The following KLKB1 variants were observed in gnomAD, a reference collection of about 807,000 sequenced individuals.
KLKB1 encodes the protein kallikrein B1.
In KLKB1, 58 loss-of-function variants were observed where a neutral mutation model predicts 73.6. The ratio of observed to expected loss-of-function variants is 0.79; its 90% CI spans 0.64 to 0.98. KLKB1 has a LOEUF of 0.98. Ranked by LOEUF, KLKB1 falls within the 50% of genes least tolerant of loss-of-function variation. KLKB1 has a pLI of 0.00. For missense variants in KLKB1, 737 were observed against 763.8 expected, an observed-to-expected ratio of 0.96 and a Z score of 0.41; for synonymous variants, 280 against 258.1, an observed-to-expected ratio of 1.08 and a Z score of -0.81.
At chr4:186,223,948 C>T (rs563922745), upstream of KLKB1, among the ~76,000 whole-genome samples, 7 of 152,342 alleles carry the variant, frequency 4.6e-5, no homozygotes, top group African/African-American at 1.7e-4. Flanking sequence ...TTTCATGGGC[C>T]CTGCTGCTCT....
At chr4:186,235,975 G>A (rs993929323) in intron 4 of KLKB1, among the ~76,000 whole-genome samples, 23 of 152,018 alleles carry the variant, frequency 1.5e-4, no homozygotes, top group Admixed American at 6.5e-4. Flanking sequence ...TTAGCCGGGC[G>A]TGGTGGCGCG....
chr4:186,228,358 G>A (rs919786309), intron 2 of KLKB1, 105 bp downstream of exon 2: 3 of 738,568 alleles, frequency 4.1e-6, no homozygotes, highest in Non-Finnish European at 7.4e-6. Context: ...CTTCGGGGGT[G>A]GAGATTGTCC....
chr4:186,245,191 C>A (rs1033982159), intron 6 of KLKB1, among the ~76,000 whole-genome samples: 1 of 152,128 alleles, frequency 6.6e-6, no homozygotes, highest in Non-Finnish European at 1.5e-5. Context: ...AGAAGCCTGG[C>A]GGTCAATACC....
At chr4:186,224,306 A>T (rs1043533109), upstream of KLKB1, among the ~76,000 whole-genome samples, 1 of 152,170 alleles carries the variant, frequency 6.6e-6, no homozygotes, top group Non-Finnish European at 1.5e-5. Context: ...CTGTGAAAAG[A>T]GTTCCCCCAT....
chr4:186,236,860 A>C lies in KLKB1; in HGVS notation c.408A>C (p.Glu136Asp), dbSNP rs1580002513. The C allele has an allele frequency of 1.2e-6, 2 of 1,614,088 alleles. No homozygotes were observed. Among genetic ancestry groups the C allele is most frequent in the East Asian group, 4.5e-5 (2 of 44,868 alleles). ...TGTCTAAGGTTAGCAGTGTTGAAGAATGCCAAAAAAGGTGCACCAGTAACA... is the reference window on the plus strand; with the variant it reads ...TGTCTAAGGTTAGCAGTGTTGAAGACTGCCAAAAAAGGTGCACCAGTAACA... Reference protein sequence around the residue: ...FNVSKVSSVEECQKRCTSNIR... With the variant: ...FNVSKVSSVEDCQKRCTSNIR... Residue 136 changes from glutamate (E) to aspartate (D), a missense_variant, in exon 5 of 15, where the codon GAA becomes GAC. Coordinates refer to ENST00000264690, the MANE Select transcript of KLKB1 (RefSeq NM_000892.5).
rs1221616868 is a variant in KLKB1 at position 186,232,154 on chromosome 4, CCTT to C, written c.91_93del (p.Phe31del). ...TGTCTGACTCAACTCTATGAAAACGCCTTCTTCAGAGGTGGGGATGTAGCTTCC... is the reference window on the plus strand; with the variant it reads ...TGTCTGACTCAACTCTATGAAAACGCCTTCAGAGGTGGGGATGTAGCTTCC... On this transcript the variant is annotated inframe_deletion, in exon 3 of 15. Transcript: ENST00000264690. 65 of 1,613,052 alleles carry C rather than the reference CCTT, an allele frequency of 4.0e-5. No individual in the cohort carries two copies. The highest frequency in any genetic ancestry group is 5.3e-5 in the Non-Finnish European group (63 of 1,179,400).
chr4:186,258,376 C>A lies in KLKB1; in HGVS notation c.*164C>A. On this transcript the variant is annotated 3_prime_UTR_variant, in exon 15 of 15. Transcript: ENST00000264690. ...TGCTGAGGACAATGTCTGGCTGAAG[C>A]CCGCTTTCAGCACGCCGTAACCAGG... 2.8e-6 allele frequency: 2 copies of A among 718,168 alleles called. No individual in the cohort carries two copies. Among genetic ancestry groups the A allele is most frequent in the South Asian group, 1.6e-5 (1 of 62,988 alleles). The allele number at this position is 718,168 out of a possible 1,614,324, so 44.5% of individuals were successfully genotyped here.
intron 6 of KLKB1, among the ~76,000 whole-genome samples, chr4:186,248,595 A>ATTTTTTTTTTT (rs138717531): frequency 7.8e-5 from 9 of 114,906 alleles, no homozygotes; most frequent in African/African-American, 2.9e-4. Flanking sequence ...TTGTTTCTGG[A>ATTTTTTTTTTT]TTTTTTTTTT....
intron 2 of KLKB1, 40 bp from the exon 3 acceptor site, chr4:186,232,087 T>C (rs1737423728): frequency 1.3e-6 from 2 of 1,521,976 alleles, no homozygotes. Flanking sequence ...AAAATTATTA[T>C]ATGAATTATC....
chr4:186,238,181 TACTA>T, intron 5 of KLKB1, 71 bp from the exon 6 acceptor site: 4 of 924,074 alleles, frequency 4.3e-6, no homozygotes, highest in South Asian at 2.6e-5. Context: ...TGCATTTTAA[TACTA>T]ACTGTTACCT....
intron 6 of KLKB1, among the ~76,000 whole-genome samples, chr4:186,248,769 C>T (rs1738518805): frequency 6.6e-6 from 1 of 152,058 alleles, no homozygotes; most frequent in Non-Finnish European, 1.5e-5. Flanking sequence ...TTGAGAGCAG[C>T]TACACAATGT....
At chr4:186,225,428 T>C (rs951567549), upstream of KLKB1, among the ~76,000 whole-genome samples, 258 of 142,968 alleles carry the variant, frequency 1.8e-3, 2 homozygotes, top group African/African-American at 6.5e-3. Context: ...GATTTCTTTT[T>C]TTTTTTTTTT....
At chr4:186,251,049 T>G in intron 7 of KLKB1, 170 bp from the exon 8 acceptor site, 1 of 602,614 alleles carries the variant, frequency 1.7e-6, no homozygotes, top group Non-Finnish European at 2.9e-6. Context: ...GATTTACATT[T>G]AATCTCTGCA....
rs543078139 is a variant in KLKB1 at position 186,218,332 on chromosome 4, G to A, written c.201+9060G>A. 9.2e-5 allele frequency among the ~76,000 whole-genome samples: 14 copies of A among 152,234 alleles called. No individual in the cohort carries two copies. In the South Asian group the frequency reaches 2.3e-3, roughly 25 times the overall value. On this transcript the variant is annotated intron_variant, in intron 2 of 14. Transcript: ENST00000511608. ...TATCCATACCCATCCATTATTCACTGTGCCTGCAAGCAACTCTAATAAAAA... is the reference window on the plus strand; with the variant it reads ...TATCCATACCCATCCATTATTCACTATGCCTGCAAGCAACTCTAATAAAAA...
rs1737527115 is a variant in KLKB1 at position 186,233,856 on chromosome 4, T to C, written c.222-96T>C. ...TGGGGAAGCTATATTATTTTCCTTATTCCTGGTTTTATTTGTTAGTGTGTA... is the reference window on the plus strand; with the variant it reads ...TGGGGAAGCTATATTATTTTCCTTACTCCTGGTTTTATTTGTTAGTGTGTA... On this transcript the variant is annotated intron_variant, in intron 3 of 14. Coordinates refer to ENST00000264690, the MANE Select transcript of KLKB1 (RefSeq NM_000892.5). 8 of 867,096 alleles carry C rather than the reference T, an allele frequency of 9.2e-6. No individual in the cohort carries two copies. The South Asian group carries it at 9.7e-5, about 11-fold the overall frequency. 53.7% of individuals were successfully genotyped at this position (867,096 alleles called of 1,614,324 possible).
chr4:186,243,856 C>T (rs1037656909), intron 6 of KLKB1, among the ~76,000 whole-genome samples: 1 of 152,144 alleles, frequency 6.6e-6, no homozygotes, highest in African/African-American at 2.4e-5. Flanking sequence ...TACAGCATAG[C>T]CTGCCTTTGC....
chr4:186,213,676 C>T (rs1436173746), intron 2 of KLKB1, among the ~76,000 whole-genome samples: 2 of 152,206 alleles, frequency 1.3e-5, no homozygotes, highest in Admixed American at 1.3e-4. Flanking sequence ...CCAGAAACCT[C>T]TCCAGGTGAT....
intron 7 of KLKB1, 102 bp downstream of exon 7, chr4:186,250,504 GT>G (rs1738614970): frequency 8.0e-6 from 11 of 1,377,214 alleles, no homozygotes; most frequent in Non-Finnish European, 1.0e-5. Flanking sequence ...TAAAAGTTTC[GT>G]TCATTTCCCT....
intron 2 of KLKB1, chr4:186,211,027 CAG>C (rs1736703503): frequency 4.5e-6 from 1 of 222,204 alleles, no homozygotes. Context: ...TTAGTAGAAA[CAG>C]GGTGTCACCA....
Sources: allele counts gnomAD v4.1 joint callset (sites outside exome capture counted in the v4.1 genomes callset), GRCh38; gene constraint gnomAD v4.1.1; transcripts MANE v1.5; gene names NCBI Gene and HGNC (gene_info 2026-07-23, HGNC 2026-07-21).